The following FAM3B variants were observed in gnomAD, a reference collection of about 807,000 sequenced individuals.
The protein encoded by FAM3B is FAM3 metabolism regulating signaling molecule B, also known as protein FAM3B.
Under a neutral mutation model 28.4 loss-of-function variants are expected in FAM3B, and 29 were observed. The ratio of observed to expected loss-of-function variants is 1.02; its 90% CI spans 0.76 to 1.39. FAM3B has a LOEUF of 1.39. Among genes scored for constraint, FAM3B ranks in the 40% most tolerant of loss-of-function variants. The probability of loss-of-function intolerance (pLI) is 0.00; values close to 1 mark genes in which losing one functional copy is unlikely to be tolerated. For missense variants in FAM3B, 266 were observed against 293.9 expected (o/e 0.91, Z 0.69); for synonymous variants, 91 against 103.0 (o/e 0.88, Z 0.71).
At chr21:41,351,704 A>G (rs1376004805) in intron 7 of FAM3B, among the ~76,000 whole-genome samples, 3 of 152,186 alleles carry the variant, frequency 2.0e-5, no homozygotes, top group Non-Finnish European at 2.9e-5. Context: ...TCCACCTGCT[A>G]TTCCAGGAGT....
chr21:41,351,745 C>T (rs1237501944), intron 7 of FAM3B, among the ~76,000 whole-genome samples: 1 of 152,254 alleles, frequency 6.6e-6, no homozygotes, highest in African/African-American at 2.4e-5. Context: ...CTGGGCCACT[C>T]TCATGCAGAG....
At chr21:41,334,719 A>ACTGGAGC (rs1480830868) in intron 2 of FAM3B, among the ~76,000 whole-genome samples, 1 of 152,206 alleles carries the variant, frequency 6.6e-6, no homozygotes, top group Non-Finnish European at 1.5e-5. Flanking sequence ...ACTAGTCCCC[A>ACTGGAGC]CTGGAGCACT....
intron 3 of FAM3B, among the ~76,000 whole-genome samples, chr21:41,340,766 A>T (rs1237649530): frequency 6.6e-6 from 1 of 152,168 alleles, no homozygotes; most frequent in African/African-American, 2.4e-5. Context: ...TTATGTTTGA[A>T]TATTACATGT....
Position 41,308,642 on chromosome 21 carries a change from C to T in FAM3B, n.99+4332C>T, listed in dbSNP as rs1056955701. 3.4e-5 allele frequency among the ~76,000 whole-genome samples: 5 copies of T among 149,094 alleles called. No homozygotes were observed. The South Asian group carries it at 6.3e-4, about 19-fold the overall frequency. On this transcript the variant is annotated intron_variant and non_coding_transcript_variant, in intron 1 of 9. Coordinates refer to the FAM3B transcript ENST00000479810. Reference sequence around the variant, plus strand: ...ACAACCTGTGCCTCCTGGGTTCAAGCGATCCTCCTGCCCCAGCCTCCAGAG... The same window carrying T: ...ACAACCTGTGCCTCCTGGGTTCAAGTGATCCTCCTGCCCCAGCCTCCAGAG...
chr21:41,338,870 TG>T (rs2088979490), intron 3 of FAM3B, among the ~76,000 whole-genome samples: 1 of 152,154 alleles, frequency 6.6e-6, no homozygotes. Context: ...GTGGGGCACG[TG>T]GGGGCATGAG....
chr21:41,351,600 T>C (rs1007815647), intron 7 of FAM3B, among the ~76,000 whole-genome samples: 12 of 152,180 alleles, frequency 7.9e-5, no homozygotes, highest in African/African-American at 2.9e-4. Flanking sequence ...CTATTCAGAC[T>C]TGCAGGTGGT....
chr21:41,312,671 T>C (rs973686842), upstream of FAM3B, among the ~76,000 whole-genome samples: 8 of 152,036 alleles, frequency 5.3e-5, no homozygotes, highest in African/African-American at 1.9e-4. Context: ...GACCTGAACA[T>C]GTAAGTTATG....
chr21:41,313,218 A>G (rs77269062), upstream of FAM3B, among the ~76,000 whole-genome samples: 4,569 of 152,304 alleles, frequency 0.03, 215 homozygotes, highest in African/African-American at 0.1. Flanking sequence ...AACATGTTTT[A>G]TTGAAGTGTA....
intron 5 of FAM3B, 29 bp downstream of exon 5, chr21:41,345,765 A>G: frequency 7.7e-7 from 1 of 1,303,264 alleles, no homozygotes; most frequent in Non-Finnish European, 1.1e-6. Context: ...TTAAAATTCA[A>G]ATGAATTTTA....
chr21:41,350,699 C>T lies in FAM3B; in HGVS notation c.618+1975C>T, dbSNP rs148975197. 9.4e-3 allele frequency among the ~76,000 whole-genome samples: 1,438 copies of T among 152,312 alleles called. 18 individuals carry two copies. Among genetic ancestry groups the T allele is most frequent in the African/African-American group, 0.031 (1,302 of 41,568 alleles). ...GGCCTGGCCTGGAGATTCTGATGCA[C>T]GGGGAAGGGAGCCTCCTTGCGTGGA... On this transcript the variant is annotated intron_variant, in intron 7 of 7. Coordinates refer to ENST00000357985, the MANE Select transcript of FAM3B (RefSeq NM_058186.4).
chr21:41,317,344 G>A lies in FAM3B; in HGVS notation c.19+446G>A, dbSNP rs557359891. Among the ~76,000 whole-genome samples, 6 of 151,790 alleles carry A rather than the reference G, an allele frequency of 4.0e-5. No homozygotes were observed. The East Asian group carries it at 1.2e-3, about 30-fold the overall frequency. ...TGACCTTGCACGCCAGGGAGGGGCTGGCCGCTGCCAGTTGGTAAGGCTGTT... is the reference window on the plus strand; with the variant it reads ...TGACCTTGCACGCCAGGGAGGGGCTAGCCGCTGCCAGTTGGTAAGGCTGTT... On this transcript the variant is annotated intron_variant, in intron 1 of 7. Coordinates refer to ENST00000357985, the MANE Select transcript of FAM3B (RefSeq NM_058186.4).
At chr21:41,356,533 T>TC (rs2089168832) in intron 7 of FAM3B, among the ~76,000 whole-genome samples, 1 of 152,180 alleles carries the variant, frequency 6.6e-6, no homozygotes, top group Non-Finnish European at 1.5e-5. Context: ...ATTACCTCCT[T>TC]TGCACCATTG....
chr21:41,344,639 T>G, intron 4 of FAM3B, 105 bp downstream of exon 4: 1 of 849,296 alleles, frequency 1.2e-6, no homozygotes, highest in Non-Finnish European at 1.9e-6. Flanking sequence ...TAGTCTAGGT[T>G]TGTATTTTAA....
intron 2 of FAM3B, among the ~76,000 whole-genome samples, chr21:41,327,013 C>T (rs1255873443): frequency 2.0e-5 from 3 of 152,164 alleles, no homozygotes; most frequent in African/African-American, 4.8e-5. Flanking sequence ...GCCAGAGCCA[C>T]GGAAAGCCAG....
intron 1 of FAM3B, among the ~76,000 whole-genome samples, chr21:41,317,642 C>A (rs955487247): frequency 3.9e-5 from 6 of 152,066 alleles, no homozygotes; most frequent in African/African-American, 1.4e-4. Context: ...GCGACGTAGC[C>A]TGGCTGTGTA....
chr21:41,314,130 T>A (rs534459630), upstream of FAM3B, among the ~76,000 whole-genome samples: 5 of 152,318 alleles, frequency 3.3e-5, no homozygotes, highest in African/African-American at 1.2e-4. Context: ...TGGGCCCTCA[T>A]AATAGGATTA....
rs1050668100 is a variant in FAM3B at position 41,357,646 on chromosome 21, T to C, written c.*449T>C. ...GCAGCAGTTCAGGGGGCTTATGTTA[T>C]GTCCTTGTTCAACTCAACTTGAGCT... On this transcript the variant is annotated 3_prime_UTR_variant, in exon 8 of 8. Transcript: ENST00000357985. 1.3e-5 allele frequency among the ~76,000 whole-genome samples: 2 copies of C among 152,234 alleles called. No homozygotes were observed. The highest frequency in any genetic ancestry group is 2.9e-5 in the Non-Finnish European group (2 of 68,042).
chr21:41,304,630 C>T (rs2088672664), intron 1 of FAM3B, among the ~76,000 whole-genome samples: 1 of 152,238 alleles, frequency 6.6e-6, no homozygotes. Flanking sequence ...CTTGCCCCGG[C>T]CTGCAGGCAG....
At chr21:41,304,596 A>G (rs1175712922) in intron 1 of FAM3B, among the ~76,000 whole-genome samples, 2 of 152,194 alleles carry the variant, frequency 1.3e-5, no homozygotes. Context: ...CATGGACCCC[A>G]GGCTCTGGCC....
Sources: allele counts gnomAD v4.1 joint callset (sites outside exome capture counted in the v4.1 genomes callset), GRCh38; gene constraint gnomAD v4.1.1; transcripts MANE v1.5; gene names NCBI Gene and HGNC (gene_info 2026-07-23, HGNC 2026-07-21).